SHROOM3: variants seen among roughly 807,000 people sequenced by gnomAD.
SHROOM3 encodes shroom family member 3, also known as protein Shroom3.
A neutral mutation model predicts 138.6 loss-of-function variants in SHROOM3; 47 were observed. That is an observed-to-expected ratio of 0.34 (90% confidence interval 0.27 to 0.43). The LOEUF (loss-of-function observed/expected upper bound fraction) is 0.43, where lower values mean the gene tolerates loss of function less well. Among genes scored for constraint, SHROOM3 ranks in the 20% least tolerant of loss-of-function variants. The pLI is 1.00. For missense variants in SHROOM3, 2,491 were observed against 2,596.5 expected (o/e 0.96, Z 0.88); for synonymous variants, 1,062 against 1,063.3 (o/e 1.00, Z 0.02).
At chr4:76,591,503 T>C (rs1734272113) in intron 2 of SHROOM3, among the ~76,000 whole-genome samples, 1 of 152,206 alleles carries the variant, frequency 6.6e-6, no homozygotes, top group African/African-American at 2.4e-5. Context: ...ATATTCCAAG[T>C]GATTTCTGAC....
At chr4:76,582,151 T>C (rs1442933214) in intron 2 of SHROOM3, among the ~76,000 whole-genome samples, 5 of 152,004 alleles carry the variant, frequency 3.3e-5, no homozygotes, top group African/African-American at 1.2e-4. Flanking sequence ...ACACAATACA[T>C]ATGTGAATGA....
chr4:76,769,889 C>G (rs147453434), intron 9 of SHROOM3, among the ~76,000 whole-genome samples: 1 of 152,214 alleles, frequency 6.6e-6, no homozygotes, highest in African/African-American at 2.4e-5. Flanking sequence ...CAACTCAGCT[C>G]TAAGACCTTG....
intron 10 of SHROOM3, among the ~76,000 whole-genome samples, chr4:76,776,158 A>G (rs1186507609): frequency 2.6e-5 from 4 of 152,148 alleles, no homozygotes; most frequent in Non-Finnish European, 5.9e-5. Context: ...GATTATGGCC[A>G]TTCTTGCAGG....
intron 2 of SHROOM3, among the ~76,000 whole-genome samples, chr4:76,671,434 A>G (rs6820908): frequency 0.69 from 105,196 of 152,150 alleles, 37,804 homozygotes; most frequent in East Asian, 0.94. Context: ...GGAGCCGGCC[A>G]GGCCTTTGTG....
chr4:76,547,930 A>AC (rs1232073822), intron 1 of SHROOM3, among the ~76,000 whole-genome samples: 11 of 46,248 alleles, frequency 2.4e-4, no homozygotes, highest in Admixed American at 5.4e-4. Flanking sequence ...GCCCTGTCTC[A>AC]AAACACACAC....
At chr4:76,547,157 T>C (rs1733238347) in intron 1 of SHROOM3, among the ~76,000 whole-genome samples, 1 of 152,232 alleles carries the variant, frequency 6.6e-6, no homozygotes, top group South Asian at 2.1e-4. Flanking sequence ...CACAGCAGTG[T>C]TGAGTGTCAG....
intron 2 of SHROOM3, among the ~76,000 whole-genome samples, chr4:76,595,196 G>A (rs374494579): frequency 3.3e-5 from 5 of 152,330 alleles, no homozygotes; most frequent in East Asian, 1.9e-4. Context: ...TGCCTGACAC[G>A]TAATAGGAAC....
At chr4:76,471,005 TGA>T (rs900068682) in intron 1 of SHROOM3, among the ~76,000 whole-genome samples, 18 of 151,936 alleles carry the variant, frequency 1.2e-4, no homozygotes, top group African/African-American at 3.6e-4. Context: ...TGTGTGTGTG[TGA>T]GAGAGAGAGA....
At chr4:76,439,227 CCTT>C (rs2109962550) in intron 1 of SHROOM3, among the ~76,000 whole-genome samples, 1 of 152,290 alleles carries the variant, frequency 6.6e-6, no homozygotes, top group South Asian at 2.1e-4. Flanking sequence ...CAGGTTGAGT[CCTT>C]CTCACCCTGC....
intron 1 of SHROOM3, among the ~76,000 whole-genome samples, chr4:76,533,919 T>C (rs1379243339): frequency 1.3e-5 from 2 of 152,220 alleles, no homozygotes; most frequent in Non-Finnish European, 2.9e-5. Context: ...ATCTGAATAC[T>C]GGGTTTCCAA....
intron 1 of SHROOM3, among the ~76,000 whole-genome samples, chr4:76,457,248 C>A (rs1579166165): frequency 6.6e-6 from 1 of 152,226 alleles, no homozygotes; most frequent in East Asian, 1.9e-4. Flanking sequence ...TGGTTTAGCA[C>A]CATTACCTTG....
rs548596270 is a variant in SHROOM3 at position 76,555,173 on chromosome 4, C to T, written c.169-436C>T. ...GCACTTGAACCACGCCAAAACCATC[C>T]GCCCACACCCCATCCGTGGAAAAAT... On this transcript the variant is annotated intron_variant, in intron 1 of 10. Transcript: ENST00000296043. 7.9e-5 allele frequency among the ~76,000 whole-genome samples: 12 copies of T among 152,100 alleles called. No homozygotes were observed. The South Asian group carries it at 1.2e-3, about 16-fold the overall frequency.
intron 1 of SHROOM3, among the ~76,000 whole-genome samples, chr4:76,439,730 C>T (rs939071501): frequency 2.6e-5 from 4 of 152,142 alleles, no homozygotes; most frequent in Non-Finnish European, 2.9e-5. Context: ...TACAAGGCAG[C>T]TATAAACTGC....
intron 1 of SHROOM3, among the ~76,000 whole-genome samples, chr4:76,436,594 C>T (rs10006043): frequency 0.49 from 74,872 of 152,024 alleles, 19,087 homozygotes; most frequent in Non-Finnish European, 0.56. Context: ...TTTCTCTCTT[C>T]AACTGAAAAT....
intron 1 of SHROOM3, among the ~76,000 whole-genome samples, chr4:76,441,093 T>TG (rs1553913355): frequency 1.5e-5 from 2 of 130,658 alleles, no homozygotes; most frequent in Admixed American, 7.7e-5. Context: ...TTTGTTTTTT[T>TG]TTTTTTTTTT....
At chr4:76,453,707 T>C (rs1243963808) in intron 1 of SHROOM3, among the ~76,000 whole-genome samples, 1 of 152,214 alleles carries the variant, frequency 6.6e-6, no homozygotes, top group East Asian at 1.9e-4. Flanking sequence ...TCCAGCCCTT[T>C]GTTCATTTTT....
chr4:76,724,438 T>TGAAAAAATAGCTGTTTAAC (rs1720641223), intron 3 of SHROOM3, among the ~76,000 whole-genome samples: 3 of 149,662 alleles, frequency 2.0e-5, no homozygotes, highest in African/African-American at 7.4e-5. Flanking sequence ...AGCTGTTTAA[T>TGAAAAAATAGCTGTTTAAC]TTTTTTTTTT....
At chr4:76,524,413 G>A (rs1316449086) in intron 1 of SHROOM3, among the ~76,000 whole-genome samples, 4 of 152,206 alleles carry the variant, frequency 2.6e-5, no homozygotes, top group African/African-American at 9.7e-5. Context: ...GCAGAACCGT[G>A]GAAGACTGAC....
chr4:76,646,223 T>C (rs1217744798), intron 2 of SHROOM3, among the ~76,000 whole-genome samples: 2 of 100,444 alleles, frequency 2.0e-5, no homozygotes, highest in Non-Finnish European at 3.8e-5. Flanking sequence ...GTATAATAAA[T>C]AAATATATAT....
Sources: allele counts gnomAD v4.1 joint callset (sites outside exome capture counted in the v4.1 genomes callset), GRCh38; gene constraint gnomAD v4.1.1; transcripts MANE v1.5; gene names NCBI Gene and HGNC (gene_info 2026-07-23, HGNC 2026-07-21).